ZNF536: variants seen among roughly 807,000 people sequenced by gnomAD.
The protein encoded by ZNF536 is zinc finger protein 536.
ZNF536 carries 13 observed loss-of-function variants against 84.5 expected under a neutral mutation model. The observed-to-expected ratio is 0.15, with a 90% CI of 0.10 to 0.24. The LOEUF (loss-of-function observed/expected upper bound fraction) is 0.24. Among genes scored for constraint, ZNF536 ranks in the 10% least tolerant of loss-of-function variants. ZNF536 has a pLI of 1.00. For synonymous variants in ZNF536, 811 were observed against 742.5 expected (o/e 1.09, Z -1.50); for missense variants, 1,536 against 1,747.5 (o/e 0.88, Z 2.16).
chr19:30,615,161 G>T (rs887969819), intron 1 of ZNF536, among the ~76,000 whole-genome samples: 4 of 148,644 alleles, frequency 2.7e-5, no homozygotes, highest in Non-Finnish European at 3.0e-5. Flanking sequence ...TAGCCAGGAT[G>T]GTCTCGATCT....
intron 1 of ZNF536, among the ~76,000 whole-genome samples, chr19:30,663,896 C>A (rs2050209702): frequency 1.3e-5 from 2 of 152,162 alleles, no homozygotes; most frequent in South Asian, 4.1e-4. Context: ...AAGCAACTTA[C>A]TAAAAGTAAT....
intron 2 of ZNF536, among the ~76,000 whole-genome samples, chr19:30,309,581 T>C (rs1484385055): frequency 6.6e-6 from 1 of 152,260 alleles, no homozygotes; most frequent in Non-Finnish European, 1.5e-5. Context: ...TGTAGTGTTT[T>C]ACCATTTGAT....
At chr19:30,283,350 A>C (rs1347245445) in intron 1 of ZNF536, among the ~76,000 whole-genome samples, 1 of 152,206 alleles carries the variant, frequency 6.6e-6, no homozygotes, top group Non-Finnish European at 1.5e-5. Flanking sequence ...GCAGCTCTGC[A>C]TCCATCATAG....
chr19:30,272,299 G>T (rs368263220), intron 1 of ZNF536, among the ~76,000 whole-genome samples: 6 of 152,030 alleles, frequency 3.9e-5, no homozygotes, highest in African/African-American at 1.4e-4. Flanking sequence ...AAAGTACAGC[G>T]TTACCATGTA....
rs139481717 is a variant in ZNF536 at position 30,396,215 on chromosome 19, A to T, written c.-3+23659A>T. On this transcript the variant is annotated intron_variant, in intron 1 of 4. Coordinates refer to ENST00000355537, the MANE Select transcript of ZNF536 (RefSeq NM_014717.3). ...AGCCTTTTATTTAAGCAGAGGGTTG[A>T]TTGGTACCTCTCTCCATCTCCTGAT... Among the ~76,000 whole-genome samples the T allele has an allele frequency of 4.8e-3, 738 of 152,334 alleles. 3 individuals are homozygous for T. Among genetic ancestry groups the T allele is most frequent in the Non-Finnish European group, 8.0e-3 (546 of 68,030 alleles).
intron 2 of ZNF536, among the ~76,000 whole-genome samples, chr19:30,501,951 C>T (rs913052364): frequency 2.0e-5 from 3 of 152,164 alleles, no homozygotes; most frequent in African/African-American, 4.8e-5. Context: ...CTGGGATCCC[C>T]AGGGATATAG....
At chr19:30,425,485 G>A (rs74795381) in intron 1 of ZNF536, among the ~76,000 whole-genome samples, 1,735 of 152,262 alleles carry the variant, frequency 0.011, 12 homozygotes, top group Non-Finnish European at 0.016. Context: ...GGTGCTGTTT[G>A]ATCCAGGGGC....
chr19:30,553,901 C>T (rs1330936355), intron 4 of ZNF536: 1 of 152,178 alleles, frequency 6.6e-6, no homozygotes, highest in East Asian at 1.9e-4. Context: ...GGCTACCAGA[C>T]CTAGTGACCC....
chr19:30,534,746 T>C (rs2044996777), intron 2 of ZNF536, 101 bp from the exon 3 acceptor site: 22 of 1,196,660 alleles, frequency 1.8e-5, no homozygotes, highest in Non-Finnish European at 2.3e-5. Flanking sequence ...TAGACAGGTG[T>C]AGTATTGACA....
intron 1 of ZNF536, among the ~76,000 whole-genome samples, chr19:30,697,406 C>T (rs540309146): frequency 6.6e-6 from 1 of 152,332 alleles, no homozygotes; most frequent in African/African-American, 2.4e-5. Flanking sequence ...TTCAAGGTTA[C>T]CATGCAATGG....
chr19:30,235,755 C>T lies in ZNF536; in HGVS notation c.-190+7082C>T, dbSNP rs748252739. On this transcript the variant is annotated intron_variant, in intron 1 of 5. Transcript: ENST00000585628. The stretch of plus-strand genomic sequence containing the variant: ...GTCTTCCAAATTATTATGGAAAGGC[C>T]GTCATTTATATGAAGCCTATTGAAG... Among the ~76,000 whole-genome samples the T allele has an allele frequency of 7.9e-5, 12 of 152,272 alleles. No homozygotes were observed. The South Asian group carries it at 1.0e-3, about 13-fold the overall frequency.
intron 2 of ZNF536, among the ~76,000 whole-genome samples, chr19:30,453,981 G>A (rs529783275): frequency 1.3e-5 from 2 of 152,374 alleles, no homozygotes; most frequent in East Asian, 3.9e-4. Flanking sequence ...CACCACATGG[G>A]AGGCCGGCCC....
At chr19:30,698,662 A>G (rs1241536670) in intron 1 of ZNF536, among the ~76,000 whole-genome samples, 1 of 152,170 alleles carries the variant, frequency 6.6e-6, no homozygotes, top group African/African-American at 2.4e-5. Context: ...GGGAAGGAAG[A>G]CCACAAAGGT....
At chr19:30,265,881 C>CTCTTTTCTTT (rs3085731) in intron 1 of ZNF536, among the ~76,000 whole-genome samples, 2 of 151,244 alleles carry the variant, frequency 1.3e-5, no homozygotes, top group Non-Finnish European at 3.0e-5. Flanking sequence ...GTTTTTGTTT[C>CTCTTTTCTTT]TCTTTTCTTT....
chr19:30,545,781 A>G (rs2045529472), intron 3 of ZNF536, among the ~76,000 whole-genome samples: 1 of 152,132 alleles, frequency 6.6e-6, no homozygotes, highest in South Asian at 2.1e-4. Flanking sequence ...CCAGAAAGGC[A>G]GCCCTCCACA....
At chr19:30,696,010 C>G (rs927208181) in intron 1 of ZNF536, among the ~76,000 whole-genome samples, 15 of 152,156 alleles carry the variant, frequency 9.9e-5, no homozygotes, top group African/African-American at 3.1e-4. Flanking sequence ...TTTGCCATCT[C>G]TGAGTGTCAC....
At chr19:30,638,659 A>G (rs1467357669) in intron 1 of ZNF536, among the ~76,000 whole-genome samples, 1 of 152,174 alleles carries the variant, frequency 6.6e-6, no homozygotes, top group Non-Finnish European at 1.5e-5. Flanking sequence ...AATTCTCTAC[A>G]TCAGATTTGG....
At chr19:30,605,110 T>G (rs935727083) in intron 1 of ZNF536, among the ~76,000 whole-genome samples, 6 of 152,242 alleles carry the variant, frequency 3.9e-5, no homozygotes, top group Non-Finnish European at 7.3e-5. Flanking sequence ...AGGAACTCAT[T>G]CTACATGTTC....
intron 1 of ZNF536, among the ~76,000 whole-genome samples, chr19:30,236,532 G>GGC (rs960413005): frequency 4.0e-5 from 6 of 149,290 alleles, no homozygotes; most frequent in East Asian, 2.0e-4. Flanking sequence ...GTTGGGGCGG[G>GGC]GGGGGGGTAC....
Sources: gnomAD v4.1 joint callset for allele counts (sites outside exome capture counted in the v4.1 genomes callset) on GRCh38, gnomAD v4.1.1 for gene constraint, MANE v1.5 for transcripts, NCBI Gene and HGNC (gene_info 2026-07-23, HGNC 2026-07-21) for gene names.